PHKB: variants seen among roughly 807,000 people sequenced by gnomAD.
PHKB encodes the protein phosphorylase kinase regulatory subunit beta, also known as phosphorylase b kinase regulatory subunit beta.
In PHKB, 122 loss-of-function variants were observed where a neutral mutation model predicts 152.1. The ratio of observed to expected loss-of-function variants is 0.80; its 90% CI spans 0.69 to 0.93. The LOEUF (loss-of-function observed/expected upper bound fraction) is 0.93. Among genes scored for constraint, PHKB ranks in the 40% least tolerant of loss-of-function variants. The pLI is 0.00. For synonymous variants in PHKB, 436 were observed against 464.9 expected (o/e 0.94, Z 0.80); for missense variants, 1,304 against 1,328.4 (o/e 0.98, Z 0.29).
rs13338192 is a variant in PHKB, at chr16:47,461,447, G to T, written c.76+21G>T. 7.5e-4 allele frequency: 1,216 copies of T among 1,611,370 alleles called. 9 individuals are homozygous for T. The African/African-American group carries it at 0.014, about 19-fold the overall frequency. On this transcript the variant is annotated intron_variant, in intron 1 of 30. Transcript: ENST00000323584. ...CTCAGGTTTGGCTGGCTGGGGCGCC[G>T]CCCCCCACCCGAGTACCTTGGGTGG...
chr16:47,520,946 G>A (rs371386104), intron 6 of PHKB, among the ~76,000 whole-genome samples: 1 of 151,926 alleles, frequency 6.6e-6, no homozygotes, highest in African/African-American at 2.4e-5. Flanking sequence ...TTCTAATGTG[G>A]TTTTGTAGTT....
chr16:47,607,559 T>C (rs922118155), intron 13 of PHKB, among the ~76,000 whole-genome samples: 5 of 152,242 alleles, frequency 3.3e-5, no homozygotes. Context: ...ATATATACAT[T>C]ACATTTTATT....
At chr16:47,602,909 G>A (rs150213451) in intron 13 of PHKB, among the ~76,000 whole-genome samples, 20 of 152,230 alleles carry the variant, frequency 1.3e-4, no homozygotes, top group Admixed American at 4.6e-4. Flanking sequence ...ACTAACAAGA[G>A]TTATAGGAAA....
chr16:47,527,240 T>C (rs1567292870), intron 6 of PHKB, among the ~76,000 whole-genome samples: 2 of 151,994 alleles, frequency 1.3e-5, no homozygotes, highest in African/African-American at 4.8e-5. Flanking sequence ...TGATGGAAAA[T>C]TGATAAGTTA....
chr16:47,674,362 A>C (rs763736164), intron 26 of PHKB, among the ~76,000 whole-genome samples: 1 of 152,194 alleles, frequency 6.6e-6, no homozygotes, highest in Non-Finnish European at 1.5e-5. Context: ...GTGTTGGTGC[A>C]AAAGTAATCG....
intron 1 of PHKB, among the ~76,000 whole-genome samples, chr16:47,490,203 C>G (rs1265162967): frequency 4.0e-5 from 6 of 151,700 alleles, no homozygotes; most frequent in African/African-American, 9.7e-5. Context: ...ATATTACAAT[C>G]TACAAAGTTA....
intron 7 of PHKB, among the ~76,000 whole-genome samples, chr16:47,557,976 A>G (rs1010435956): frequency 3.9e-5 from 6 of 151,972 alleles, no homozygotes; most frequent in Non-Finnish European, 5.9e-5. Flanking sequence ...AAAGACTTGG[A>G]ACCAACCCAA....
rs909397580 is a variant in PHKB at position 47,588,902 on chromosome 16, C to T, written c.871-3C>T. On this transcript the variant is annotated splice_region_variant and splice_polypyrimidine_tract_variant and intron_variant, in intron 9 of 30. Transcript: ENST00000323584. ...CACAGTCTCTCTTTCTCATTGCCTC[C>T]AGAATACAGATGCTGCCCTGCTCCC... 3.1e-6 allele frequency: 5 copies of T among 1,613,070 alleles called. No individual in the cohort carries two copies. Among genetic ancestry groups the T allele is most frequent in the Middle Eastern group, 1.7e-4 (1 of 6,060 alleles).
chr16:47,652,961 G>A (rs146857066), intron 20 of PHKB, among the ~76,000 whole-genome samples: 3 of 151,016 alleles, frequency 2.0e-5, no homozygotes, highest in South Asian at 2.1e-4. Flanking sequence ...GCTTTGATTC[G>A]CATTTCTTTG....
At chr16:47,642,613 T>A (rs141331739) in intron 16 of PHKB, among the ~76,000 whole-genome samples, 1 of 152,310 alleles carries the variant, frequency 6.6e-6, no homozygotes, top group African/African-American at 2.4e-5. Flanking sequence ...GTCAAAGTCT[T>A]GTTGCTATAA....
intron 6 of PHKB, among the ~76,000 whole-genome samples, chr16:47,526,128 A>C (rs1970762198): frequency 2.0e-5 from 3 of 152,120 alleles, no homozygotes; most frequent in Admixed American, 2.0e-4. Flanking sequence ...TGACTAGGCC[A>C]TCTGGGTGCG....
chr16:47,642,980 C>T (rs909336975), intron 16 of PHKB, among the ~76,000 whole-genome samples: 16 of 152,154 alleles, frequency 1.1e-4, no homozygotes, highest in Admixed American at 7.2e-4. Context: ...TGCAGGCTGT[C>T]GGCTGCTAAT....
intron 14 of PHKB, among the ~76,000 whole-genome samples, chr16:47,638,474 AATT>A (rs1972960027): frequency 6.6e-6 from 1 of 152,352 alleles, no homozygotes; most frequent in African/African-American, 2.4e-5. Flanking sequence ...AGATAGGGAC[AATT>A]ATTATATTCT....
At chr16:47,650,486 A>G (rs1973215730) in intron 18 of PHKB, 58 bp from the exon 19 acceptor site, 3 of 990,440 alleles carry the variant, frequency 3.0e-6, no homozygotes, top group Non-Finnish European at 4.9e-6. Flanking sequence ...CTCATGGTTG[A>G]GCATCCTGTT....
intron 1 of PHKB, among the ~76,000 whole-genome samples, chr16:47,467,484 C>T (rs778757563): frequency 1.3e-5 from 2 of 152,126 alleles, no homozygotes; most frequent in South Asian, 2.1e-4. Flanking sequence ...TGTTATTTTA[C>T]GTATACTTAA....
At chr16:47,463,827 C>T in intron 1 of PHKB, 1 of 1,021,764 alleles carries the variant, frequency 9.8e-7, no homozygotes, top group Non-Finnish European at 1.5e-6. Flanking sequence ...TTAATAACTG[C>T]TCACACTGCT....
At chr16:47,522,396 T>A (rs1429343138) in intron 6 of PHKB, among the ~76,000 whole-genome samples, 2 of 152,080 alleles carry the variant, frequency 1.3e-5, no homozygotes, top group African/African-American at 4.8e-5. Context: ...TGTCCCTTAT[T>A]TCATCCTTCC....
intron 27 of PHKB, among the ~76,000 whole-genome samples, chr16:47,690,001 A>G (rs1433431728): frequency 6.6e-6 from 1 of 152,264 alleles, no homozygotes; most frequent in Non-Finnish European, 1.5e-5. Context: ...TCAGAAAAAC[A>G]TAAAAGAAGG....
intron 26 of PHKB, among the ~76,000 whole-genome samples, chr16:47,684,373 A>G (rs971000753): frequency 6.6e-6 from 1 of 152,326 alleles, no homozygotes; most frequent in Non-Finnish European, 1.5e-5. Context: ...CACTGCTGTC[A>G]GATTTCCATG....
Sources: allele counts gnomAD v4.1 joint callset (sites outside exome capture counted in the v4.1 genomes callset), GRCh38; gene constraint gnomAD v4.1.1; transcripts MANE v1.5; gene names NCBI Gene and HGNC (gene_info 2026-07-23, HGNC 2026-07-21).